Variants in AGBL4 observed in about 807,000 individuals in gnomAD.
AGBL4 encodes the protein AGBL carboxypeptidase 4.
Under a neutral mutation model 66.4 loss-of-function variants are expected in AGBL4, and 58 were observed. That is an observed-to-expected ratio of 0.87 (90% confidence interval 0.71 to 1.09). The LOEUF is 1.09. Ranked by LOEUF, AGBL4 falls within the 50% of genes least tolerant of loss-of-function variation. The probability of loss-of-function intolerance (pLI) is 0.00; values close to 1 mark genes in which losing one functional copy is unlikely to be tolerated. For missense variants in AGBL4, 579 were observed against 631.0 expected (o/e 0.92, Z 0.88); for synonymous variants, 234 against 222.9 (o/e 1.05, Z -0.44).
intron 2 of AGBL4, among the ~76,000 whole-genome samples, chr1:49,702,868 T>C (rs1647126173): frequency 6.6e-6 from 1 of 151,766 alleles, no homozygotes; most frequent in Non-Finnish European, 1.5e-5. Flanking sequence ...AATAGATGCA[T>C]AAAAAAAATC....
chr1:49,012,970 C>T (rs1662559239), intron 5 of AGBL4, among the ~76,000 whole-genome samples: 1 of 152,110 alleles, frequency 6.6e-6, no homozygotes, highest in Admixed American at 6.5e-5. Flanking sequence ...GTTATAAAAG[C>T]CAGGTCAGCT....
chr1:49,812,955 T>C (rs1015057728), intron 2 of AGBL4, among the ~76,000 whole-genome samples: 1 of 152,038 alleles, frequency 6.6e-6, no homozygotes, highest in Admixed American at 6.6e-5. Flanking sequence ...ATGAAAGATA[T>C]GGGAAAGAAG....
chr1:48,601,773 G>A (rs532979233), intron 9 of AGBL4, among the ~76,000 whole-genome samples: 2 of 152,134 alleles, frequency 1.3e-5, no homozygotes, highest in South Asian at 2.1e-4. Flanking sequence ...GATGGGATTC[G>A]AGCTTACATC....
At chr1:48,570,333 C>T (rs1644541085) in intron 11 of AGBL4, among the ~76,000 whole-genome samples, 2 of 152,312 alleles carry the variant, frequency 1.3e-5, no homozygotes, top group Non-Finnish European at 1.5e-5. Flanking sequence ...GGGTCTGTCC[C>T]GCCACAGCTT....
At chr1:49,475,633 G>T (rs1646831709) in intron 3 of AGBL4, among the ~76,000 whole-genome samples, 1 of 151,908 alleles carries the variant, frequency 6.6e-6, no homozygotes, top group African/African-American at 2.4e-5. Context: ...TCAGGATTTT[G>T]ATTTCTTCCT....
chr1:49,106,598 A>T (rs2148011627), intron 4 of AGBL4, among the ~76,000 whole-genome samples: 1 of 152,280 alleles, frequency 6.6e-6, no homozygotes, highest in South Asian at 2.1e-4. Context: ...ATCTGACCTA[A>T]GCAAGGACCC....
chr1:48,555,410 A>G (rs1332241220), intron 11 of AGBL4, among the ~76,000 whole-genome samples: 1 of 152,216 alleles, frequency 6.6e-6, no homozygotes, highest in African/African-American at 2.4e-5. Flanking sequence ...GGCCAGGTAA[A>G]GAGAGTTGAA....
intron 4 of AGBL4, among the ~76,000 whole-genome samples, chr1:49,159,549 T>C (rs1412838995): frequency 6.6e-6 from 1 of 152,166 alleles, no homozygotes; most frequent in Non-Finnish European, 1.5e-5. Flanking sequence ...TTGGGGTTGC[T>C]CTTCTCGAGG....
intron 9 of AGBL4, among the ~76,000 whole-genome samples, chr1:48,617,669 G>A (rs920841655): frequency 2.0e-5 from 3 of 151,998 alleles, no homozygotes; most frequent in African/African-American, 7.3e-5. Flanking sequence ...TCTGTCCTAC[G>A]GGCTGGCCGT....
intron 5 of AGBL4, among the ~76,000 whole-genome samples, chr1:48,973,174 T>A (rs1204419854): frequency 6.6e-6 from 1 of 152,182 alleles, no homozygotes; most frequent in Admixed American, 6.6e-5. Flanking sequence ...AATCTAGATT[T>A]TCACTAAGTT....
At chr1:48,985,801 A>G (rs1660139324) in intron 5 of AGBL4, among the ~76,000 whole-genome samples, 1 of 152,174 alleles carries the variant, frequency 6.6e-6, no homozygotes, top group Admixed American at 6.6e-5. Flanking sequence ...AAGCAGGAAA[A>G]TAAATTGAAA....
intron 4 of AGBL4, among the ~76,000 whole-genome samples, chr1:49,118,508 T>A (rs1645580655): frequency 6.6e-6 from 1 of 152,166 alleles, no homozygotes; most frequent in South Asian, 2.1e-4. Context: ...ATTTATTGAT[T>A]TGCATATGTT....
chr1:49,825,006 T>C (rs1353033106), intron 2 of AGBL4, among the ~76,000 whole-genome samples: 1 of 152,180 alleles, frequency 6.6e-6, no homozygotes, highest in Non-Finnish European at 1.5e-5. Context: ...CCACTCATAA[T>C]AGAGCCTCTC....
chr1:48,658,679 G>C (rs72901151), intron 7 of AGBL4, among the ~76,000 whole-genome samples: 1,931 of 144,962 alleles, frequency 0.013, 18 homozygotes, highest in African/African-American at 0.022. Context: ...ATAGTGGGAA[G>C]CTGTTTGGGA....
intron 5 of AGBL4, among the ~76,000 whole-genome samples, chr1:48,993,514 T>C (rs1660769168): frequency 6.6e-6 from 1 of 152,192 alleles, no homozygotes; most frequent in South Asian, 2.1e-4. Context: ...CTGGCTGTCC[T>C]GGCTGATGCC....
chr1:48,549,302 C>T (rs544385194), intron 11 of AGBL4, among the ~76,000 whole-genome samples: 54 of 152,334 alleles, frequency 3.5e-4, no homozygotes, highest in Admixed American at 5.2e-4. Flanking sequence ...GCCTGCCTCA[C>T]CAATCCTCCC....
At chr1:49,290,257 G>T (rs1011232619) in intron 3 of AGBL4, among the ~76,000 whole-genome samples, 7 of 152,172 alleles carry the variant, frequency 4.6e-5, no homozygotes, top group Admixed American at 1.3e-4. Flanking sequence ...ACTGATGTCT[G>T]AGATCAGCTA....
At chr1:50,012,840 G>A (rs1441714378) in intron 1 of AGBL4, among the ~76,000 whole-genome samples, 1 of 152,136 alleles carries the variant, frequency 6.6e-6, no homozygotes, top group Admixed American at 6.6e-5. Flanking sequence ...AGGATCACAT[G>A]TAAAATTTTC....
chr1:49,218,545 AG>A (rs5774042), intron 4 of AGBL4, among the ~76,000 whole-genome samples: 65,933 of 151,862 alleles, frequency 0.43, 16,869 homozygotes, highest in Non-Finnish European at 0.58. Context: ...CTCTAGCAAA[AG>A]TCTTTTGGGT....
Sources: allele counts gnomAD v4.1 joint callset (sites outside exome capture counted in the v4.1 genomes callset), GRCh38; gene constraint gnomAD v4.1.1; transcripts MANE v1.5; gene names NCBI Gene and HGNC (gene_info 2026-07-23, HGNC 2026-07-21).